CDC45: variants seen among roughly 807,000 people sequenced by gnomAD.
CDC45 encodes the protein cell division cycle 45, also known as cell division control protein 45 homolog.
CDC45 carries 54 observed loss-of-function variants against 77.8 expected under a neutral mutation model. The observed-to-expected ratio is 0.69, with a 90% confidence interval of 0.56 to 0.87. CDC45 has a LOEUF of 0.87. Among genes scored for constraint, CDC45 ranks in the 40% least tolerant of loss-of-function variants. The pLI, the probability that CDC45 is intolerant of heterozygous loss-of-function variation, is 0.00. For missense variants in CDC45, 649 were observed against 721.6 expected (o/e 0.90, Z 1.15); for synonymous variants, 260 against 272.1 (o/e 0.96, Z 0.44).
At position 19,516,574 on chromosome 22, in the gene CDC45, CCT is replaced by C. The variant is rs1444869565; in HGVS notation, c.1489_1490del (p.Leu497GlufsTer30). ...TGCTGCCCCTGGTGATGGCTGCCCCCCTGAGCATGGAGCATGGCACAGTGACC... is the reference window on the plus strand; with the variant it reads ...TGCTGCCCCTGGTGATGGCTGCCCCCGAGCATGGAGCATGGCACAGTGACC... The part of the protein sequence containing the change: ...KLLPLVMAAP[L>X]SMEHGTVTVV... On this transcript the variant is annotated frameshift_variant, in exon 16 of 19. Coordinates refer to ENST00000263201, the MANE Select transcript of CDC45 (RefSeq NM_003504.5). LOFTEE classifies it high-confidence loss of function. The C allele has an allele frequency of 1.9e-6, 3 of 1,614,076 alleles. No individual in the cohort carries two copies. The highest frequency in any genetic ancestry group is 2.5e-6 in the Non-Finnish European group (3 of 1,179,988).
At chr22:19,497,054 A>G (rs906860710) in intron 7 of CDC45, among the ~76,000 whole-genome samples, 13 of 152,170 alleles carry the variant, frequency 8.5e-5, no homozygotes, top group Non-Finnish European at 1.3e-4. Flanking sequence ...CTTGGGCATC[A>G]CTGAGGAACA....
rs2090201878 is a variant in CDC45, at chr22:19,494,260, C to T, written c.487-67C>T. 2.7e-6 allele frequency: 4 copies of T among 1,457,624 alleles called. 1 individual carries two copies. The highest frequency in any genetic ancestry group is 2.4e-4 in the Middle Eastern group (1 of 4,190). 90.3% of individuals were successfully genotyped at this position (1,457,624 alleles called of 1,614,324 possible). A position where few individuals can be genotyped will look rare whatever the true frequency, so the allele number is the denominator to read the frequency against. ...CTGACTTCTGCCAAATTGGAACCTT[C>T]TTGGGCTGTGGGGATAAATTCCTGG... On this transcript the variant is annotated intron_variant, in intron 5 of 18. Coordinates refer to ENST00000263201, the MANE Select transcript of CDC45 (RefSeq NM_003504.5).
At chr22:19,518,967 G>A in intron 18 of CDC45, 58 bp downstream of exon 18, 1 of 1,276,288 alleles carries the variant, frequency 7.8e-7, no homozygotes, top group Non-Finnish European at 1.1e-6. Flanking sequence ...GCCCGACCCT[G>A]ATGCCCTGCT....
chr22:19,494,607 A>C (rs1001116214), intron 6 of CDC45: 4 of 1,533,362 alleles, frequency 2.6e-6, no homozygotes, highest in Admixed American at 2.0e-5. Context: ...TCCCAGGTAC[A>C]TGCCATCCAT....
intron 5 of CDC45, among the ~76,000 whole-genome samples, chr22:19,491,037 G>A (rs1247657082): frequency 6.6e-6 from 1 of 151,666 alleles, no homozygotes; most frequent in Admixed American, 6.6e-5. Flanking sequence ...CTGTTGGCCA[G>A]GTTCGTCTCA....
At chr22:19,500,905 G>A (rs2090329852) in intron 9 of CDC45, among the ~76,000 whole-genome samples, 2 of 152,096 alleles carry the variant, frequency 1.3e-5, no homozygotes, top group East Asian at 1.9e-4. Context: ...GGCCGGGCGC[G>A]ATGGCTCACC....
chr22:19,514,637 TACCCCCAAA>T, intron 13 of CDC45, 103 bp from the exon 14 acceptor site: 17 of 836,388 alleles, frequency 2.0e-5, no homozygotes, highest in Non-Finnish European at 2.6e-5. Flanking sequence ...GATAAATTCT[TACCCCCAAA>T]CCTCTTCCTG....
At chr22:19,480,046 G>T (rs1568908465) in intron 1 of CDC45, 27 bp downstream of exon 1, 1 of 1,613,740 alleles carries the variant, frequency 6.2e-7, no homozygotes, top group Non-Finnish European at 8.5e-7. Flanking sequence ...GACCCCCGCC[G>T]AGGCCTTGCC....
intron 5 of CDC45, among the ~76,000 whole-genome samples, chr22:19,491,798 C>T (rs947571308): frequency 2.0e-5 from 3 of 151,692 alleles, no homozygotes; most frequent in Admixed American, 6.6e-5. Flanking sequence ...CTCCACCTCC[C>T]GTTACCCAGC....
chr22:19,514,805 C>T lies in CDC45; in HGVS notation c.1274C>T (p.Ala425Val), dbSNP rs1568936304. ...GLELAKKQLRATQQTIASCLC... is the reference protein window; with the variant it reads ...GLELAKKQLRVTQQTIASCLC... ...GAACTCGCCAAGAAGCAGCTGCGAG[C>T]CACCCAGCAGACCATTGCCAGCTGC... is the stretch of plus-strand genomic sequence containing the variant. Residue 425 changes from alanine (A) to valine (V), a missense_variant, in exon 14 of 19, where the codon GCC becomes GTC. Physicochemically the swap from Ala to Val is moderately conservative, Grantham distance 64 (BLOSUM62 0). Transcript: ENST00000263201. The T allele has an allele frequency of 6.2e-7, 1 of 1,614,088 alleles. No homozygotes were observed. Among genetic ancestry groups the T allele is most frequent in the Non-Finnish European group, 8.5e-7 (1 of 1,179,970 alleles).
chr22:19,517,182 C>G (rs577148125), intron 17 of CDC45, among the ~76,000 whole-genome samples: 1 of 152,366 alleles, frequency 6.6e-6, no homozygotes, highest in Admixed American at 6.5e-5. Context: ...GCCTAGGGGA[C>G]TGGCCACCAG....
In CDC45 at chr22:19,505,479, T is replaced by C. The variant is rs549921527; in HGVS notation, c.822T>C (p.Tyr274=). 8 of 1,613,570 alleles carry C rather than the reference T, an allele frequency of 5.0e-6. No homozygotes were observed. In the African/African-American group the frequency reaches 5.3e-5, roughly 11 times the overall value. ...ACTGCACACGGATCTCCTTTGAGTA[T>C]GAGTATCCTTGTGGCCCAGCCTGAG... ...SVDCTRISFE[Y]DLRLVLYQHW... is the part of the protein sequence containing the mutation. The change falls in exon 10 of 19, where the codon TAT becomes TAC. Residue 274 remains tyrosine, a splice_region_variant and synonymous_variant. Transcript: ENST00000263201.
At chr22:19,486,686 T>C (rs543025488) in intron 5 of CDC45, among the ~76,000 whole-genome samples, 2 of 152,218 alleles carry the variant, frequency 1.3e-5, no homozygotes, top group Non-Finnish European at 2.9e-5. Flanking sequence ...ATTAGAGGTA[T>C]ATATATATTT....
intron 6 of CDC45, chr22:19,494,724 G>T: frequency 1.2e-6 from 1 of 805,542 alleles, no homozygotes; most frequent in South Asian, 1.6e-5. Context: ...ATATTGGAAA[G>T]GTTATTCTAG....
In CDC45 at chr22:19,507,442, G is replaced by C. The variant is rs1174528775; in HGVS notation, c.881G>C (p.Ser294Thr). ...CTCCATGACAGCCTGTGCAACACCAGCTATACCGCAGCCAGGTTCAAGCTG... is the reference window on the plus strand; with the variant it reads ...CTCCATGACAGCCTGTGCAACACCACCTATACCGCAGCCAGGTTCAAGCTG... ...WSLHDSLCNT[S>T]YTAARFKLWS... Residue 294 changes from serine (S) to threonine (T), a missense_variant, in exon 11 of 19, where the codon AGC (serine) becomes ACC (threonine). Ser to Thr is a moderately conservative substitution (Grantham distance 58). Transcript: ENST00000263201. 6.2e-7 allele frequency: 1 copy of C among 1,614,188 alleles called. No individual in the cohort carries two copies. The highest frequency in any genetic ancestry group is 2.2e-5 in the East Asian group (1 of 44,890).
In CDC45 at chr22:19,497,327, T is replaced by G. The variant is rs1345373914; in HGVS notation, c.592-59T>G. 3.3e-6 allele frequency: 5 copies of G among 1,523,948 alleles called. No homozygotes were observed. In the East Asian group the frequency reaches 1.1e-4, roughly 34 times the overall value. The allele number at this position is 1,523,948 out of a possible 1,614,324, so 94.4% of individuals were successfully genotyped here. A position where few individuals can be genotyped will look rare whatever the true frequency, so the allele number is the denominator to read the frequency against. ...CTGGCTCAAGTCCAGTCTGGCTGCA[T>G]GGCCCAGCCCCAGCACATGCCCCTC... On this transcript the variant is annotated intron_variant, in intron 7 of 18. Coordinates refer to ENST00000263201, the MANE Select transcript of CDC45 (RefSeq NM_003504.5).
intron 13 of CDC45, among the ~76,000 whole-genome samples, chr22:19,514,383 T>C (rs963651838): frequency 6.6e-6 from 1 of 152,190 alleles, no homozygotes; most frequent in African/African-American, 2.4e-5. Context: ...CCTCCCTTTT[T>C]GTGGGGAAGA....
At chr22:19,510,515 C>T (rs760302395) in intron 13 of CDC45, among the ~76,000 whole-genome samples, 9 of 152,072 alleles carry the variant, frequency 5.9e-5, no homozygotes, top group Admixed American at 4.6e-4. Flanking sequence ...TAGGATGTAT[C>T]GGGATTATAT....
chr22:19,483,686 T>C (rs2090020545), intron 4 of CDC45, among the ~76,000 whole-genome samples, 176 bp from the exon 5 acceptor site: 1 of 152,212 alleles, frequency 6.6e-6, no homozygotes, highest in South Asian at 2.1e-4. Context: ...GCCTCACTGG[T>C]AATGAAAACA....
Sources: gnomAD v4.1 joint callset for allele counts (sites outside exome capture counted in the v4.1 genomes callset) on GRCh38, gnomAD v4.1.1 for gene constraint, MANE v1.5 for transcripts, NCBI Gene and HGNC (gene_info 2026-07-23, HGNC 2026-07-21) for gene names.